Variants in B3GALNT2 observed in about 807,000 individuals in gnomAD.
B3GALNT2 encodes beta-1,3-N-acetylgalactosaminyltransferase 2.
A neutral mutation model predicts 61.1 loss-of-function variants in B3GALNT2; 53 were observed. The observed-to-expected ratio is 0.87, with a 90% CI of 0.70 to 1.09. B3GALNT2 has a LOEUF of 1.09. Among genes scored for constraint, B3GALNT2 ranks in the 50% least tolerant of loss-of-function variants. B3GALNT2 has a pLI of 0.00. For missense variants in B3GALNT2, 544 were observed against 623.0 expected (o/e 0.87, Z 1.35); for synonymous variants, 223 against 237.4 (o/e 0.94, Z 0.56).
At chr1:235,486,418 G>A (rs982087737) in intron 3 of B3GALNT2, among the ~76,000 whole-genome samples, 2 of 152,072 alleles carry the variant, frequency 1.3e-5, no homozygotes, top group Non-Finnish European at 2.9e-5. Context: ...TTATAATATA[G>A]CATTTTTAGA....
chr1:235,447,384 T>TAATC lies in B3GALNT2; in HGVS notation c.*2818_*2821dup, dbSNP rs956633232. On this transcript the variant is annotated 3_prime_UTR_variant, in exon 12 of 12. Transcript: ENST00000366600. The stretch of plus-strand genomic sequence containing the variant: ...AGCTTCAAGGAAACTCTATTTCTTA[T>TAATC]AATCAAAATATCCACTATTTACCAC... Among the ~76,000 whole-genome samples the TAATC allele has an allele frequency of 7.9e-5, 12 of 152,332 alleles. No individual in the cohort carries two copies. The highest frequency in any genetic ancestry group is 2.6e-4 in the African/African-American group (11 of 41,594).
intron 5 of B3GALNT2, among the ~76,000 whole-genome samples, chr1:235,472,895 A>C (rs1325794834): frequency 2.0e-5 from 3 of 152,056 alleles, no homozygotes; most frequent in African/African-American, 7.2e-5. Flanking sequence ...GAGTGATATA[A>C]ACTTTTTCTT....
At chr1:235,502,822 G>GT (rs1339425709) in intron 1 of B3GALNT2, among the ~76,000 whole-genome samples, 10 of 152,336 alleles carry the variant, frequency 6.6e-5, no homozygotes, top group African/African-American at 2.4e-4. Context: ...AGAGAAACCT[G>GT]TAACACACAA....
At chr1:235,455,795 C>T (rs996107513) in intron 8 of B3GALNT2, 111 bp from the exon 9 acceptor site, 2 of 1,296,882 alleles carry the variant, frequency 1.5e-6, no homozygotes, top group South Asian at 1.5e-5. Flanking sequence ...ATCTAAATTT[C>T]TTATTCCTCA....
intron 5 of B3GALNT2, 142 bp downstream of exon 5, chr1:235,479,912 C>G (rs758358973): frequency 2.2e-6 from 3 of 1,387,448 alleles, no homozygotes; most frequent in Non-Finnish European, 2.9e-6. Flanking sequence ...ATGTTTTAGC[C>G]CATCCACAGT....
chr1:235,443,956 C>G (rs1189682641), downstream of B3GALNT2, among the ~76,000 whole-genome samples: 6 of 152,076 alleles, frequency 3.9e-5, no homozygotes, highest in Non-Finnish European at 5.9e-5. Context: ...ACTGTGAATT[C>G]TCAAGATTAA....
At chr1:235,504,059 AT>A (rs1448579214) in intron 1 of B3GALNT2, 81 bp downstream of exon 1, 2 of 1,193,300 alleles carry the variant, frequency 1.7e-6, no homozygotes, top group Admixed American at 4.5e-5. Context: ...GCCTCCAACA[AT>A]TCCCGGCGAA....
chr1:235,445,907 T>C (rs1383801495), downstream of B3GALNT2, among the ~76,000 whole-genome samples: 1 of 152,204 alleles, frequency 6.6e-6, no homozygotes, highest in Non-Finnish European at 1.5e-5. Context: ...CACAAGGCAC[T>C]GTCGTGTGTC....
At chr1:235,473,211 TTTCCC>T (rs1684085009) in intron 5 of B3GALNT2, among the ~76,000 whole-genome samples, 1 of 152,222 alleles carries the variant, frequency 6.6e-6, no homozygotes, top group Non-Finnish European at 1.5e-5. Context: ...CCGCCCAACC[TTTCCC>T]TTCCTTTCTT....
chr1:235,465,951 T>C (rs951304234), intron 6 of B3GALNT2, among the ~76,000 whole-genome samples: 1 of 152,150 alleles, frequency 6.6e-6, no homozygotes, highest in African/African-American at 2.4e-5. Flanking sequence ...GTGTTCAGAA[T>C]TGCAACTTAC....
rs1265893065 is a variant in B3GALNT2 at position 235,503,740 on chromosome 1, C to G, written c.112+401G>C. 3.4e-5 allele frequency among the ~76,000 whole-genome samples: 5 copies of G among 145,024 alleles called. No homozygotes were observed. In the Admixed American group the frequency reaches 3.7e-4, roughly 11 times the overall value. ...AGTCTTGACCGAGAAAGACCAACAA[C>G]TTGGGGGGGAAGAAAACAACTTCAG... On this transcript the variant is annotated intron_variant, in intron 1 of 11. Transcript: ENST00000366600.
At chr1:235,440,119 CA>C in the B3GALNT2 span, among the ~76,000 whole-genome samples, 1 of 151,990 alleles carries the variant, frequency 6.6e-6, no homozygotes, top group Non-Finnish European at 1.5e-5. Flanking sequence ...TACAGGCGCC[CA>C]CCACCACACC....
chr1:235,472,881 C>T (rs1056941524), intron 5 of B3GALNT2, among the ~76,000 whole-genome samples: 13 of 152,124 alleles, frequency 8.5e-5, no homozygotes, highest in African/African-American at 2.9e-4. Flanking sequence ...TTTCCCTCTG[C>T]ACAGAGTGAT....
intron 7 of B3GALNT2, 90 bp downstream of exon 7, chr1:235,465,546 G>C: frequency 6.5e-7 from 1 of 1,531,932 alleles, no homozygotes; most frequent in Non-Finnish European, 8.8e-7. Context: ...TTTTTTAAAA[G>C]ACAAAAAAGA....
At chr1:235,462,881 G>T (rs185999577) in intron 7 of B3GALNT2, among the ~76,000 whole-genome samples, 5 of 152,130 alleles carry the variant, frequency 3.3e-5, no homozygotes, top group African/African-American at 1.2e-4. Context: ...TTGATCCAGC[G>T]ATCCCATTAG....
rs546006288 is a variant in B3GALNT2, at chr1:235,490,269, C to T, written c.261-1001G>A. 3.9e-5 allele frequency among the ~76,000 whole-genome samples: 6 copies of T among 152,232 alleles called. No homozygotes were observed. The South Asian group carries it at 1.0e-3, about 26-fold the overall frequency. The stretch of plus-strand genomic sequence containing the variant: ...TTTTTGAGACAGAGTCTCGCTCTGT[C>T]ACCCAGGCTGGAATACAACAGTGTA... On this transcript the variant is annotated intron_variant, in intron 2 of 11. Coordinates refer to ENST00000366600, the MANE Select transcript of B3GALNT2 (RefSeq NM_152490.5).
intron 1 of B3GALNT2, among the ~76,000 whole-genome samples, chr1:235,495,735 G>A (rs1205167693): frequency 6.6e-6 from 1 of 151,998 alleles, no homozygotes; most frequent in Non-Finnish European, 1.5e-5. Context: ...GCTCTGATGA[G>A]GTATCCATTT....
In B3GALNT2 at chr1:235,489,249, T is replaced by C. The variant is rs997425220; in HGVS notation, c.280A>G (p.Ile94Val). The C allele has an allele frequency of 2.5e-6, 4 of 1,613,902 alleles. No homozygotes were observed. The highest frequency in any genetic ancestry group is 2.5e-6 in the Non-Finnish European group (3 of 1,179,934). The change falls in exon 3 of 12, where the codon ATA (isoleucine) becomes GTA (valine). Residue 94 changes from isoleucine (I) to valine (V), a missense_variant. Ile to Val is a conservative substitution (Grantham distance 29). Transcript: ENST00000366600. ...LSQRVLVKFI[I>V]GAHGCEVPVE... is the part of the protein sequence containing the mutation. ...GGCACTTCACAGCCATGAGCACCTATTATGAACTTCACAAGCACACTGAGA... is the reference window on the plus strand; with the variant it reads ...GGCACTTCACAGCCATGAGCACCTACTATGAACTTCACAAGCACACTGAGA...
chr1:235,460,330 G>A (rs1213364770), intron 7 of B3GALNT2, among the ~76,000 whole-genome samples: 1 of 149,726 alleles, frequency 6.7e-6, no homozygotes, highest in African/African-American at 2.5e-5. Context: ...TGTAACAAGA[G>A]GCAGGGTTTT....
Sources: allele counts gnomAD v4.1 joint callset (sites outside exome capture counted in the v4.1 genomes callset), GRCh38; gene constraint gnomAD v4.1.1; transcripts MANE v1.5; gene names NCBI Gene and HGNC (gene_info 2026-07-23, HGNC 2026-07-21).